The following ORC1 variants were observed in gnomAD, a reference collection of about 807,000 sequenced individuals.
The protein encoded by ORC1 is origin recognition complex, subunit 1 homolog.
Under a neutral mutation model 98.9 loss-of-function variants are expected in ORC1, and 61 were observed. That is an observed-to-expected ratio of 0.62 (90% CI 0.50 to 0.76). ORC1 has a LOEUF of 0.76. Ranked by LOEUF, ORC1 falls within the 30% of genes least tolerant of loss-of-function variation. ORC1 has a pLI of 0.00. For synonymous variants in ORC1, 385 were observed against 406.9 expected (o/e 0.95, Z 0.65); for missense variants, 979 against 1,072.2 (o/e 0.91, Z 1.21).
chr1:52,393,885 C>G, intron 5 of ORC1, 82 bp from the exon 6 acceptor site: 1 of 1,435,078 alleles, frequency 7.0e-7, no homozygotes, highest in Non-Finnish European at 9.7e-7. Flanking sequence ...AATTCAGCCA[C>G]TGAGTTATAT....
chr1:52,402,963 G>T (rs567762871), intron 1 of ORC1, among the ~76,000 whole-genome samples: 1 of 152,312 alleles, frequency 6.6e-6, no homozygotes, highest in Admixed American at 6.5e-5. Context: ...ATCTTATACA[G>T]GATGGCACAG....
intron 3 of ORC1, among the ~76,000 whole-genome samples, chr1:52,398,322 G>A (rs1022838408): frequency 2.0e-5 from 3 of 151,106 alleles, no homozygotes; most frequent in African/African-American, 7.3e-5. Context: ...GGAGTGCAGT[G>A]GCGTGATCTC....
At chr1:52,388,768 G>A (rs1041351694) in intron 7 of ORC1, 131 bp from the exon 8 acceptor site, 36 of 763,896 alleles carry the variant, frequency 4.7e-5, no homozygotes, top group African/African-American at 5.2e-5. Flanking sequence ...GCTTGCTACC[G>A]AGACACTCTG....
chr1:52,401,774 C>T (rs74080952), intron 2 of ORC1, among the ~76,000 whole-genome samples: 1,793 of 152,306 alleles, frequency 0.012, 29 homozygotes, highest in African/African-American at 0.04. Context: ...TTTCCCAAGG[C>T]TGTCAAGCTG....
chr1:52,378,344 CA>C (rs57755980), intron 14 of ORC1, among the ~76,000 whole-genome samples: 40 of 129,030 alleles, frequency 3.1e-4, no homozygotes, highest in Non-Finnish European at 3.1e-4. Flanking sequence ...GACTCCCTCT[CA>C]AAAAAAAAAA....
chr1:52,383,435 C>A lies in ORC1; in HGVS notation c.1998G>T (p.Arg666=). The change falls in exon 13 of 17, where the codon CGG becomes CGT. Residue 666 remains arginine (R), a synonymous_variant. Coordinates refer to ENST00000371568, the MANE Select transcript of ORC1 (RefSeq NM_004153.4). ...TAGAACCTACCAGTCGGCTGGACAC[C>A]CGGTTCATCATGATTCGCTCTGGCA... ...MDLPERIMMN[R]VSSRLGLTRM... 6.2e-7 allele frequency: 1 copy of A among 1,612,660 alleles called. No individual in the cohort carries two copies. Among genetic ancestry groups the A allele is most frequent in the Middle Eastern group, 2.1e-4 (1 of 4,814 alleles).
At chr1:52,384,381 AG>A (rs768376568) in intron 11 of ORC1, among the ~76,000 whole-genome samples, 168 bp downstream of exon 11, 26 of 152,200 alleles carry the variant, frequency 1.7e-4, no homozygotes, top group Admixed American at 2.6e-4. Context: ...TAGACTTTGA[AG>A]TCTCTTAGGG....
intron 4 of ORC1, among the ~76,000 whole-genome samples, chr1:52,397,047 C>T (rs535103721): frequency 6.6e-6 from 1 of 152,312 alleles, no homozygotes; most frequent in Non-Finnish European, 1.5e-5. Flanking sequence ...GCATCTGCCT[C>T]ACACTCCTTT....
rs752958585 is a variant in ORC1, at chr1:52,388,550, CTCT to C, written c.1272_1274del (p.Glu425del). On this transcript the variant is annotated inframe_deletion, in exon 8 of 17. Transcript: ENST00000371568. Reference sequence around the variant, plus strand: ...TCCTTGGAAGGGGCGGTGTGGAAGCCTCTTCTTCGTCACTGCTAGAGTCTGAAA... The same window carrying C: ...TCCTTGGAAGGGGCGGTGTGGAAGCCTCTTCGTCACTGCTAGAGTCTGAAA... The C allele has an allele frequency of 8.1e-6, 13 of 1,613,998 alleles. No individual in the cohort carries two copies. Among genetic ancestry groups the C allele is most frequent in the African/African-American group, 1.3e-5 (1 of 74,918 alleles).
chr1:52,377,837 A>AG (rs1647014331), intron 14 of ORC1, among the ~76,000 whole-genome samples: 1 of 152,172 alleles, frequency 6.6e-6, no homozygotes, highest in Non-Finnish European at 1.5e-5. Context: ...ACAAAAAAAT[A>AG]AGAAAACCAA....
chr1:52,393,620 G>A lies in ORC1; in HGVS notation c.905C>T (p.Ser302Phe), dbSNP rs373857123. Reference sequence around the variant, plus strand: ...AGCCTTCTTGTCATCCTCAGTATAAGAGAGTCCAGTCTCTCTGGTTTTCTC... The same window carrying A: ...AGCCTTCTTGTCATCCTCAGTATAAAAGAGTCCAGTCTCTCTGGTTTTCTC... ...APEKTRETGL[S>F]YTEDDKKASP... The change falls in exon 6 of 17, where the codon TCT becomes TTT. Residue 302 changes from serine to phenylalanine, a missense_variant. Physicochemically the swap from Ser to Phe is radical, Grantham distance 155. Transcript: ENST00000371568. 6.2e-6 allele frequency: 10 copies of A among 1,614,166 alleles called. No individual in the cohort carries two copies. Among genetic ancestry groups the A allele is most frequent in the Non-Finnish European group, 8.5e-6 (10 of 1,180,020 alleles).
chr1:52,392,520 T>C (rs899029010), intron 6 of ORC1, among the ~76,000 whole-genome samples: 1 of 152,026 alleles, frequency 6.6e-6, no homozygotes, highest in Non-Finnish European at 1.5e-5. Context: ...TAACTAAAAG[T>C]AGATCCACCA....
intron 16 of ORC1, among the ~76,000 whole-genome samples, chr1:52,374,430 T>A (rs1462838021): frequency 6.6e-6 from 1 of 152,232 alleles, no homozygotes; most frequent in Non-Finnish European, 1.5e-5. Flanking sequence ...GCCCTACTGA[T>A]CCCTCTCACT....
upstream of ORC1, among the ~76,000 whole-genome samples, chr1:52,406,965 A>G (rs182950941): frequency 3.3e-5 from 5 of 152,344 alleles, no homozygotes; most frequent in Middle Eastern, 3.4e-3. Context: ...AAAGCCTCCT[A>G]GTTACCCAAG....
chr1:52,383,988 T>A, intron 11 of ORC1, 51 bp from the exon 12 acceptor site: 1 of 1,497,932 alleles, frequency 6.7e-7, no homozygotes, highest in Non-Finnish European at 9.3e-7. Flanking sequence ...CTTACTCCCT[T>A]GGGCTTAAAG....
At chr1:52,408,091 AT>A (rs1648048783), upstream of ORC1, among the ~76,000 whole-genome samples, 1 of 150,596 alleles carries the variant, frequency 6.6e-6, no homozygotes, top group Non-Finnish European at 1.5e-5. Flanking sequence ...AAATACAAAA[AT>A]TAGCTGGGCA....
chr1:52,390,976 G>A (rs893216549), intron 6 of ORC1, among the ~76,000 whole-genome samples: 11 of 150,680 alleles, frequency 7.3e-5, no homozygotes, highest in Admixed American at 7.3e-4. Flanking sequence ...AACTCAAGAT[G>A]GATCAGAGAC....
chr1:52,390,901 GA>G (rs112674214), intron 6 of ORC1, among the ~76,000 whole-genome samples: 10,158 of 77,582 alleles, frequency 0.13, 1,089 homozygotes, highest in African/African-American at 0.34. Flanking sequence ...TCCAAAAAAA[GA>G]AAAAAAAAAA....
intron 3 of ORC1, 145 bp downstream of exon 3, chr1:52,401,217 T>C: frequency 9.8e-7 from 1 of 1,024,926 alleles, no homozygotes; most frequent in South Asian, 1.3e-5. Context: ...ATTTTTTAGA[T>C]GGAAGAAGAC....
Sources: gnomAD v4.1 joint callset for allele counts (sites outside exome capture counted in the v4.1 genomes callset) on GRCh38, gnomAD v4.1.1 for gene constraint, MANE v1.5 for transcripts, NCBI Gene and HGNC (gene_info 2026-07-23, HGNC 2026-07-21) for gene names.